Variants in CBLB observed in about 807,000 individuals in gnomAD.
The protein encoded by CBLB is E3 ubiquitin-protein ligase CBL-B.
Under a neutral mutation model 104.9 loss-of-function variants are expected in CBLB, and 31 were observed. The observed-to-expected ratio is 0.30, with a 90% CI of 0.22 to 0.40. The LOEUF is 0.40. CBLB is among the 10% of genes least tolerant of loss of function. CBLB has a pLI of 1.00. For synonymous variants in CBLB, 440 were observed against 422.6 expected (o/e 1.04, Z -0.51); for missense variants, 1,062 against 1,214.6 (o/e 0.87, Z 1.87).
chr3:105,755,016 C>CTTTTTTTTTTTT (rs67405809), intron 4 of CBLB, among the ~76,000 whole-genome samples: 2 of 143,832 alleles, frequency 1.4e-5, no homozygotes, highest in Admixed American at 7.1e-5. Context: ...AGTATCTTTT[C>CTTTTTTTTTTTT]TTTTTTTTTT....
intron 4 of CBLB, among the ~76,000 whole-genome samples, chr3:105,765,912 C>T (rs892002755): frequency 2.0e-5 from 3 of 152,176 alleles, no homozygotes; most frequent in African/African-American, 7.2e-5. Context: ...TTAAGAAATA[C>T]ATTTCCTACG....
intron 2 of CBLB, among the ~76,000 whole-genome samples, chr3:105,866,913 A>G (rs143296672): frequency 6.6e-6 from 1 of 152,252 alleles, no homozygotes; most frequent in African/African-American, 2.4e-5. Flanking sequence ...TTTCTTAATG[A>G]AGATGAATTC....
At position 105,780,660 on chromosome 3, in the gene CBLB, G is replaced by GTTTTT. The variant is rs58640968; in HGVS notation, c.420-4123_420-4119dup. On this transcript the variant is annotated intron_variant, in intron 3 of 18. Transcript: ENST00000394030. ...TTTTACAATAAAAGTTTTGTTTTTT[G>GTTTTT]TTTTTTTTTTTTTTTTTTTTGAGAT... is the stretch of plus-strand genomic sequence containing the variant. 9.0e-3 allele frequency among the ~76,000 whole-genome samples: 843 copies of GTTTTT among 93,986 alleles called. 81 individuals are homozygous for GTTTTT. Among genetic ancestry groups the GTTTTT allele is most frequent in the Admixed American group, 0.05 (324 of 6,486 alleles). 61.7% of individuals were successfully genotyped at this position (93,986 alleles called of 152,430 possible). A position where few individuals can be genotyped will look rare whatever the true frequency, so the allele number is the denominator to read the frequency against.
intron 9 of CBLB, among the ~76,000 whole-genome samples, chr3:105,733,240 C>A (rs2074529474): frequency 6.6e-6 from 1 of 151,822 alleles, no homozygotes; most frequent in Non-Finnish European, 1.5e-5. Context: ...ACCTGTAGAC[C>A]CAGCTACTCG....
chr3:105,675,884 C>CAAAAAA (rs71111383), intron 17 of CBLB, among the ~76,000 whole-genome samples: 1 of 81,872 alleles, frequency 1.2e-5, no homozygotes, highest in Non-Finnish European at 2.2e-5. Context: ...GACCCTGTCT[C>CAAAAAA]AAAAAAAAAA....
intron 2 of CBLB, among the ~76,000 whole-genome samples, chr3:105,864,312 G>GT (rs1034092852): frequency 1.3e-5 from 2 of 152,154 alleles, no homozygotes; most frequent in African/African-American, 4.8e-5. Flanking sequence ...CATATCCCCA[G>GT]TAACGAGCAC....
intron 4 of CBLB, among the ~76,000 whole-genome samples, chr3:105,761,762 A>G (rs1030115870): frequency 6.6e-6 from 1 of 152,236 alleles, no homozygotes; most frequent in Non-Finnish European, 1.5e-5. Flanking sequence ...AGATACCCAA[A>G]AACTGTGGAA....
At chr3:105,848,254 G>A (rs936272577) in intron 3 of CBLB, among the ~76,000 whole-genome samples, 4 of 152,076 alleles carry the variant, frequency 2.6e-5, no homozygotes, top group Admixed American at 6.6e-5. Flanking sequence ...GTATCAGTCG[G>A]GGGAGGCATG....
At chr3:105,693,367 T>C (rs1186497962) in intron 13 of CBLB, 127 bp downstream of exon 13, 1 of 682,722 alleles carries the variant, frequency 1.5e-6, no homozygotes, top group African/African-American at 1.8e-5. Context: ...AGTTTGTAAA[T>C]ACAGCTGGCT....
intron 17 of CBLB, 127 bp downstream of exon 17, chr3:105,678,304 C>T (rs2065891918): frequency 1.1e-6 from 1 of 893,308 alleles, no homozygotes; most frequent in Non-Finnish European, 1.8e-6. Flanking sequence ...CTACTTTTAC[C>T]ACCCAGGGAT....
At chr3:105,704,217 CAG>C (rs753503742) in intron 10 of CBLB, 44 bp from the exon 11 acceptor site, 37 of 1,558,536 alleles carry the variant, frequency 2.4e-5, no homozygotes, top group Middle Eastern at 1.8e-4. Context: ...ATTAGCTGTG[CAG>C]AGTGTTCTCT....
intron 2 of CBLB, among the ~76,000 whole-genome samples, chr3:105,858,525 C>T (rs1448000985): frequency 6.6e-6 from 1 of 152,176 alleles, no homozygotes; most frequent in Non-Finnish European, 1.5e-5. Flanking sequence ...CACAGAAGAG[C>T]TTTGACAAAG....
At chr3:105,773,388 G>A (rs1472556661) in intron 4 of CBLB, among the ~76,000 whole-genome samples, 1 of 152,262 alleles carries the variant, frequency 6.6e-6, no homozygotes, top group Middle Eastern at 3.4e-3. Context: ...TCGTGGTGGG[G>A]AAGGGTGAGA....
At chr3:105,824,765 G>GC (rs1232630271) in intron 3 of CBLB, among the ~76,000 whole-genome samples, 1 of 152,128 alleles carries the variant, frequency 6.6e-6, no homozygotes, top group African/African-American at 2.4e-5. Context: ...TGATGAGACA[G>GC]CAAGGGCATT....
At chr3:105,738,931 A>G (rs1042210698) in intron 7 of CBLB, among the ~76,000 whole-genome samples, 3 of 152,192 alleles carry the variant, frequency 2.0e-5, no homozygotes, top group African/African-American at 7.2e-5. Flanking sequence ...ATTTTTTCAG[A>G]TAAGGTCTCA....
rs965053672 is a variant in CBLB, at chr3:105,655,658, A to G, written c.*3312T>C. 14 of 194,900 alleles carry G rather than the reference A, an allele frequency of 7.2e-5. No individual in the cohort carries two copies. The East Asian group carries it at 1.1e-3, about 16-fold the overall frequency. The allele number at this position is 194,900 out of a possible 1,614,324, so 12.1% of individuals were successfully genotyped here. On this transcript the variant is annotated 3_prime_UTR_variant, in exon 19 of 19. Transcript: ENST00000394030. ...AATTGGGGAAAAAACCCTTCACTCT[A>G]TTGGTGTCTTTGTCTGGAAAACTTT...
chr3:105,665,442 T>TATATATATACAC (rs1182735970), intron 18 of CBLB, among the ~76,000 whole-genome samples: 5 of 67,190 alleles, frequency 7.4e-5, no homozygotes, highest in African/African-American at 2.0e-4. Context: ...TATATATATA[T>TATATATATACAC]ACACACACAC....
intron 2 of CBLB, among the ~76,000 whole-genome samples, chr3:105,862,257 A>G (rs879533325): frequency 6.6e-6 from 1 of 152,112 alleles, no homozygotes; most frequent in African/African-American, 2.4e-5. Flanking sequence ...TGTACACTTA[A>G]TTTTCTGATT....
intron 3 of CBLB, among the ~76,000 whole-genome samples, chr3:105,804,050 T>A (rs957909794): frequency 6.6e-6 from 1 of 152,306 alleles, no homozygotes; most frequent in Admixed American, 6.5e-5. Context: ...ACTGCCTAGC[T>A]TCAACATTTT....
Sources: allele counts gnomAD v4.1 joint callset (sites outside exome capture counted in the v4.1 genomes callset), GRCh38; gene constraint gnomAD v4.1.1; transcripts MANE v1.5; gene names NCBI Gene and HGNC (gene_info 2026-07-23, HGNC 2026-07-21).